Variants in FSTL1 observed in about 807,000 individuals in gnomAD.
FSTL1 encodes the protein follistatin-related protein 1.
FSTL1 carries 24 observed loss-of-function variants against 45.9 expected under a neutral mutation model. The ratio of observed to expected loss-of-function variants is 0.52; its 90% CI spans 0.38 to 0.74. The LOEUF is 0.74. Ranked by LOEUF, FSTL1 falls within the 30% of genes least tolerant of loss-of-function variation. FSTL1 has a pLI of 0.00. For synonymous variants in FSTL1, 120 were observed against 137.6 expected, an observed-to-expected ratio of 0.87 and a Z score of 0.89; for missense variants, 340 against 381.8, an observed-to-expected ratio of 0.89 and a Z score of 0.91.
At chr3:120,447,173 C>T (rs1937767126) in intron 2 of FSTL1, among the ~76,000 whole-genome samples, 1 of 152,186 alleles carries the variant, frequency 6.6e-6, no homozygotes, top group African/African-American at 2.4e-5. Flanking sequence ...ACACTACCGC[C>T]TGTGTTCTTA....
At chr3:120,422,401 A>G (rs907432960) in intron 2 of FSTL1, among the ~76,000 whole-genome samples, 1 of 152,236 alleles carries the variant, frequency 6.6e-6, no homozygotes, top group African/African-American at 2.4e-5. Flanking sequence ...TAGCTTGATT[A>G]TGGTGAACAT....
chr3:120,433,086 T>G (rs911399650), intron 2 of FSTL1, among the ~76,000 whole-genome samples: 1 of 152,248 alleles, frequency 6.6e-6, no homozygotes, highest in Non-Finnish European at 1.5e-5. Context: ...GACTAGTGAC[T>G]ATGGGCAAAG....
chr3:120,407,814 C>T lies in FSTL1; in HGVS notation c.462+1718G>A, dbSNP rs564364933. On this transcript the variant is annotated intron_variant, in intron 6 of 10. Transcript: ENST00000295633. The stretch of plus-strand genomic sequence containing the variant: ...TGTCTGTCAGTCATGATCAAGCTTT[C>T]TTAGATGCCTGGTTGTGAGAATGTC... 2.6e-5 allele frequency among the ~76,000 whole-genome samples: 4 copies of T among 152,318 alleles called. No individual in the cohort carries two copies. In the Middle Eastern group the frequency reaches 0.01, roughly 389 times the overall value.
chr3:120,430,251 TCTG>T (rs1937453739), intron 2 of FSTL1, among the ~76,000 whole-genome samples: 3 of 152,192 alleles, frequency 2.0e-5, no homozygotes, highest in Admixed American at 1.3e-4. Context: ...ATCACAGCCA[TCTG>T]GTAGGAGTTC....
At position 120,411,934 on chromosome 3, in the gene FSTL1, T is replaced by A; in HGVS notation, c.218A>T (p.Tyr73Phe). Reference sequence around the variant, plus strand: ...TCGATGCAGTTCACAGTGGTTGAGGTAGGTCTTGCCATTACTGCCACACAC... The same window carrying A: ...TCGATGCAGTTCACAGTGGTTGAGGAAGGTCTTGCCATTACTGCCACACAC... Reference protein sequence around the residue: ...RPVCGSNGKTYLNHCELHRDA... With the variant: ...RPVCGSNGKTFLNHCELHRDA... Residue 73 changes from tyrosine to phenylalanine, a missense_variant, in exon 4 of 11, where the codon TAC becomes TTC. Coordinates refer to ENST00000295633, the MANE Select transcript of FSTL1 (RefSeq NM_007085.5). 6.2e-7 allele frequency: 1 copy of A among 1,613,262 alleles called. No individual in the cohort carries two copies. The highest frequency in any genetic ancestry group is 8.5e-7 in the Non-Finnish European group (1 of 1,179,194).
intron 2 of FSTL1, among the ~76,000 whole-genome samples, chr3:120,422,546 C>T (rs528096529): frequency 6.6e-6 from 1 of 152,256 alleles, no homozygotes; most frequent in South Asian, 2.1e-4. Flanking sequence ...CATTTACAGT[C>T]TCTTCAGGTT....
At chr3:120,420,205 A>G (rs1478991172) in intron 2 of FSTL1, among the ~76,000 whole-genome samples, 1 of 152,218 alleles carries the variant, frequency 6.6e-6, no homozygotes, top group African/African-American at 2.4e-5. Flanking sequence ...GATTTTAGGA[A>G]TGAGGTCCCA....
Position 120,415,996 on chromosome 3 carries a change from G to A in FSTL1, c.95C>T (p.Ala32Val). Residue 32 changes from alanine (A) to valine (V), a missense_variant, in exon 3 of 11, where the codon GCC (alanine) becomes GTC (valine). By Grantham distance (64) the Ala-to-Val change is moderately conservative. Coordinates refer to ENST00000295633, the MANE Select transcript of FSTL1 (RefSeq NM_007085.5). ...EELRSKSKIC[A>V]NVFCGAGREC... ...CCGGCCGGCTCCACAAAACACATTG[G>A]CACAGATCTTGGATTTGCTCCTTAG... 1.2e-6 allele frequency: 2 copies of A among 1,613,762 alleles called. No homozygotes were observed. Among genetic ancestry groups the A allele is most frequent in the Non-Finnish European group, 1.7e-6 (2 of 1,179,674 alleles).
intron 2 of FSTL1, among the ~76,000 whole-genome samples, chr3:120,417,663 C>A (rs2107658857): frequency 6.6e-6 from 1 of 152,224 alleles, no homozygotes; most frequent in Non-Finnish European, 1.5e-5. Context: ...GGAAACTGTG[C>A]CTGACAATGT....
intron 2 of FSTL1, 65 bp downstream of exon 2, chr3:120,450,619 C>A: frequency 1.0e-5 from 12 of 1,150,508 alleles, no homozygotes; most frequent in South Asian, 1.6e-5. Context: ...GCGCGCCCAC[C>A]CGCCCAGCGC....
chr3:120,411,994 C>T lies in FSTL1; in HGVS notation c.169-11G>A. The T allele has an allele frequency of 6.2e-7, 1 of 1,606,728 alleles. No individual in the cohort carries two copies. The highest frequency in any genetic ancestry group is 1.1e-5 in the South Asian group (1 of 90,702). ...GTGAGGTTTGCATTGCTGAAACAGACCCAAAAGAGAATGTTTGTGCAGTTA... is the reference window on the plus strand; with the variant it reads ...GTGAGGTTTGCATTGCTGAAACAGATCCAAAAGAGAATGTTTGTGCAGTTA... On this transcript the variant is annotated splice_polypyrimidine_tract_variant and intron_variant, in intron 3 of 10. Coordinates refer to ENST00000295633, the MANE Select transcript of FSTL1 (RefSeq NM_007085.5).
rs1937888203 is a variant in FSTL1 at position 120,450,974 on chromosome 3, C to T, written c.-78G>A. On this transcript the variant is annotated 5_prime_UTR_variant, in exon 1 of 11. Transcript: ENST00000295633. Reference sequence around the variant, plus strand: ...CTGTAAGCGGAGGTGGGAGCTCCGCCGATCGCCAGCCTCGGAGGAAATGCG... The same window carrying T: ...CTGTAAGCGGAGGTGGGAGCTCCGCTGATCGCCAGCCTCGGAGGAAATGCG... 1 of 456,954 alleles carries T rather than the reference C, an allele frequency of 2.2e-6. No homozygotes were observed. Among genetic ancestry groups the T allele is most frequent in the South Asian group, 4.1e-5 (1 of 24,242 alleles). The allele number at this position is 456,954 out of a possible 1,614,324, so 28.3% of individuals were successfully genotyped here. A position where few individuals can be genotyped will look rare whatever the true frequency, so the allele number is the denominator to read the frequency against.
At chr3:120,436,961 G>A (rs1937573091) in intron 2 of FSTL1, among the ~76,000 whole-genome samples, 1 of 152,092 alleles carries the variant, frequency 6.6e-6, no homozygotes, top group African/African-American at 2.4e-5. Flanking sequence ...CCTCCTGGTA[G>A]GGACCCTGAC....
chr3:120,443,904 A>G (rs1937681880), intron 2 of FSTL1, among the ~76,000 whole-genome samples: 1 of 150,086 alleles, frequency 6.7e-6, no homozygotes, highest in South Asian at 2.1e-4. Context: ...CCAACTACCC[A>G]AAGAGCATTC....
At chr3:120,450,832 C>T in intron 1 of FSTL1, 65 bp downstream of exon 1, 1 of 998,814 alleles carries the variant, frequency 1.0e-6, no homozygotes, top group Non-Finnish European at 1.4e-6. Flanking sequence ...AGGCTCGCTC[C>T]GGCCGCCCAA....
intron 2 of FSTL1, chr3:120,438,527 T>C (rs1937594101): frequency 6.6e-6 from 1 of 152,248 alleles, no homozygotes; most frequent in African/African-American, 2.4e-5. Context: ...TTCTCATTCT[T>C]GAGCCAGCCT....
chr3:120,422,978 A>G (rs13324871), intron 2 of FSTL1, among the ~76,000 whole-genome samples: 3,594 of 152,342 alleles, frequency 0.024, 150 homozygotes, highest in African/African-American at 0.08. Flanking sequence ...TACAAGCCTA[A>G]GCCACTGTGC....
chr3:120,403,321 AG>A lies in FSTL1; in HGVS notation c.614del (p.Ser205LeufsTer61). The A allele has an allele frequency of 6.2e-7, 1 of 1,611,594 alleles. No individual in the cohort carries two copies. Among genetic ancestry groups the A allele is most frequent in the Admixed American group, 1.7e-5 (1 of 60,020 alleles). On this transcript the variant is annotated frameshift_variant, in exon 8 of 11. Coordinates refer to ENST00000295633, the MANE Select transcript of FSTL1 (RefSeq NM_007085.5). LOFTEE classifies it high-confidence loss of function. ...TGAGTTTCCAATCAGCATTTTCATC[AG>A]ACAGTTCAATGAGAGCATCAACACA... ...GLCVDALIEL[S>X]DENADWKLSF...
rs531825845 is a variant in FSTL1, at chr3:120,443,656, C to A, written c.63+7028G>T. Among the ~76,000 whole-genome samples the A allele has an allele frequency of 1.1e-4, 16 of 149,728 alleles. No homozygotes were observed. In the South Asian group the frequency reaches 3.3e-3, roughly 31 times the overall value. Reference sequence around the variant, plus strand: ...CATGCATGCACATATAAATCTGGGCCTGCAACATGTGATAGCTTTTGTCAT... The same window carrying A: ...CATGCATGCACATATAAATCTGGGCATGCAACATGTGATAGCTTTTGTCAT... On this transcript the variant is annotated intron_variant, in intron 2 of 10. Coordinates refer to ENST00000295633, the MANE Select transcript of FSTL1 (RefSeq NM_007085.5).
Sources: allele counts gnomAD v4.1 joint callset (sites outside exome capture counted in the v4.1 genomes callset), GRCh38; gene constraint gnomAD v4.1.1; transcripts MANE v1.5; gene names NCBI Gene and HGNC (gene_info 2026-07-23, HGNC 2026-07-21).